HCFC2: variants seen among roughly 807,000 people sequenced by gnomAD.
HCFC2 encodes host cell factor C2.
Under a neutral mutation model 89.2 loss-of-function variants are expected in HCFC2, and 18 were observed. That is an observed-to-expected ratio of 0.20 (90% CI 0.14 to 0.30). The LOEUF is 0.30. HCFC2 is among the 10% of genes least tolerant of loss of function. HCFC2 has a pLI of 1.00. For synonymous variants in HCFC2, 308 were observed against 335.7 expected, an observed-to-expected ratio of 0.92 and a Z score of 0.90; for missense variants, 578 against 956.1, an observed-to-expected ratio of 0.60 and a Z score of 5.21.
At chr12:104,097,356 A>AT (rs1884206876) in intron 12 of HCFC2, among the ~76,000 whole-genome samples, 1 of 151,780 alleles carries the variant, frequency 6.6e-6, no homozygotes, top group Non-Finnish European at 1.5e-5. Context: ...ACTAAAATGA[A>AT]TTTTTTTTCT....
At chr12:104,071,324 T>C (rs1265537225) in intron 3 of HCFC2, among the ~76,000 whole-genome samples, 1 of 152,248 alleles carries the variant, frequency 6.6e-6, no homozygotes, top group Non-Finnish European at 1.5e-5. Context: ...GTATTAGCTT[T>C]TGTTAGGTTA....
chr12:104,072,388 A>G (rs1476170830), intron 3 of HCFC2, among the ~76,000 whole-genome samples: 1 of 151,982 alleles, frequency 6.6e-6, no homozygotes, highest in Non-Finnish European at 1.5e-5. Flanking sequence ...AAAAAAAAGT[A>G]AAATTTGTAC....
At chr12:104,092,206 A>G (rs1884041392) in intron 9 of HCFC2, among the ~76,000 whole-genome samples, 1 of 152,168 alleles carries the variant, frequency 6.6e-6, no homozygotes, top group Admixed American at 6.5e-5. Context: ...TGTGGCTCAC[A>G]GCTATAATCC....
At chr12:104,087,083 G>A (rs1007792397) in intron 8 of HCFC2, 69 bp downstream of exon 8, 9 of 1,467,502 alleles carry the variant, frequency 6.1e-6, no homozygotes, top group African/African-American at 2.8e-5. Flanking sequence ...GGCCGGGCGC[G>A]GTGGCTCACG....
At chr12:104,066,678 G>A (rs760003111) in intron 2 of HCFC2, among the ~76,000 whole-genome samples, 13 of 152,174 alleles carry the variant, frequency 8.5e-5, no homozygotes, top group Admixed American at 2.6e-4. Context: ...CAACAGGAGC[G>A]CCTGGAGAAC....
chr12:104,098,546 A>G (rs1277025237), intron 13 of HCFC2, 66 bp downstream of exon 13: 3 of 1,452,214 alleles, frequency 2.1e-6, no homozygotes, highest in Non-Finnish European at 2.8e-6. Flanking sequence ...TTCTCTACCA[A>G]TAACTTAGGG....
At position 104,066,172 on chromosome 12, in the gene HCFC2, A is replaced by C. The variant is rs1280061336; in HGVS notation, c.169A>C (p.Asn57His). Residue 57 changes from asparagine to histidine, a missense_variant, in exon 2 of 15, where the codon AAT (asparagine) becomes CAT (histidine). Physicochemically the swap from Asn to His is moderately conservative, Grantham distance 68 (BLOSUM62 1). Transcript: ENST00000229330. Reference protein sequence around the residue: ...DELHVYNTATNQWFLPAVRGD... With the variant: ...DELHVYNTATHQWFLPAVRGD... Reference sequence around the variant, plus strand: ...CATTTTATTTTGGCAACTAGCTACGAATCAGTGGTTTCTGCCAGCTGTTAG... The same window carrying C: ...CATTTTATTTTGGCAACTAGCTACGCATCAGTGGTTTCTGCCAGCTGTTAG... 1 of 1,612,820 alleles carries C rather than the reference A, an allele frequency of 6.2e-7. No individual in the cohort carries two copies. The highest frequency in any genetic ancestry group is 1.1e-5 in the South Asian group (1 of 90,658).
At position 104,086,906 on chromosome 12, in the gene HCFC2, G is replaced by A; in HGVS notation, c.1123G>A (p.Val375Ile). ...CAAAGCCACTACCAACTCCTTTCAT[G>A]TCAAGTGGGATGAAGTGTCTACAGT... is the stretch of plus-strand genomic sequence containing the variant. ...LIKATTNSFH[V>I]KWDEVSTVEG... The change falls in exon 8 of 15, where the codon GTC becomes ATC. Residue 375 changes from valine (V) to isoleucine (I), a missense_variant. By Grantham distance (29) the Val-to-Ile change is conservative. This residue lies in a region of HCFC2 where 210 missense variants were observed against 251.7 expected (regional missense o/e 0.83). Coordinates refer to ENST00000229330, the MANE Select transcript of HCFC2 (RefSeq NM_013320.3). 6.2e-7 allele frequency: 1 copy of A among 1,613,922 alleles called. No individual in the cohort carries two copies. The highest frequency in any genetic ancestry group is 8.5e-7 in the Non-Finnish European group (1 of 1,179,850).
intron 4 of HCFC2, 41 bp downstream of exon 4, chr12:104,079,694 A>C (rs775878815): frequency 6.9e-7 from 1 of 1,451,598 alleles, no homozygotes; most frequent in African/African-American, 1.4e-5. Flanking sequence ...AGGGCAAATT[A>C]AAAAATGCTT....
Position 104,103,542 on chromosome 12 carries a change from A to G in HCFC2, c.*269A>G, listed in dbSNP as rs1400029367. 1 of 384,914 alleles carries G rather than the reference A, an allele frequency of 2.6e-6. No homozygotes were observed. Among genetic ancestry groups the G allele is most frequent in the African/African-American group, 2.1e-5 (1 of 48,736 alleles). The allele number at this position is 384,914 out of a possible 1,614,324, so 23.8% of individuals were successfully genotyped here. ...AGTGAAATTAAGATAAAAGCTAGAA[A>G]GCTTTATTACCCCAATATCTTTTAT... is the stretch of plus-strand genomic sequence containing the variant. On this transcript the variant is annotated 3_prime_UTR_variant, in exon 15 of 15. Coordinates refer to ENST00000229330, the MANE Select transcript of HCFC2 (RefSeq NM_013320.3).
chr12:104,098,195 T>TGTTAAGACTTTATTTACTTATGA, intron 12 of HCFC2, 148 bp from the exon 13 acceptor site: 2 of 557,274 alleles, frequency 3.6e-6, no homozygotes, highest in Non-Finnish European at 6.1e-6. Flanking sequence ...TGACCTAATC[T>TGTTAAGACTTTATTTACTTATGA]GTTAAGACTT....
chr12:104,101,753 C>T (rs1027096269), intron 13 of HCFC2, among the ~76,000 whole-genome samples: 1 of 152,048 alleles, frequency 6.6e-6, no homozygotes, highest in Non-Finnish European at 1.5e-5. Flanking sequence ...AAAGAGTGCT[C>T]ACCTCTGGAT....
chr12:104,090,350 T>C (rs1230558573), intron 9 of HCFC2, among the ~76,000 whole-genome samples: 1 of 152,164 alleles, frequency 6.6e-6, no homozygotes, highest in Admixed American at 6.5e-5. Context: ...CCTAATTTTT[T>C]ATCTTTTTAT....
chr12:104,080,756 A>G lies in HCFC2; in HGVS notation c.693A>G (p.Ser231=), dbSNP rs1171334907. ...TATTTTTACTTTTAGAAACTATGTC[A>G]TGGTCAAAACCAGAAACTAAAGGGA... The part of the protein sequence containing the change: ...DLWQLDLETM[S]WSKPETKGTV... Residue 231 remains serine, a synonymous_variant, in exon 5 of 15, where the codon TCA becomes TCG. Coordinates refer to ENST00000229330, the MANE Select transcript of HCFC2 (RefSeq NM_013320.3). The G allele has an allele frequency of 7.5e-6, 12 of 1,599,538 alleles. No homozygotes were observed. Among genetic ancestry groups the G allele is most frequent in the Non-Finnish European group, 1.0e-5 (12 of 1,172,932 alleles).
At chr12:104,082,456 A>G (rs1336086792) in intron 5 of HCFC2, 44 bp from the exon 6 acceptor site, 1 of 1,259,734 alleles carries the variant, frequency 7.9e-7, no homozygotes. Context: ...CCAAGAAGTA[A>G]AATGAAATAA....
In HCFC2 at chr12:104,087,375, A is replaced by G. The variant is rs184839516; in HGVS notation, c.1231+361A>G. Among the ~76,000 whole-genome samples, 554 of 148,574 alleles carry G rather than the reference A, an allele frequency of 3.7e-3. 4 individuals carry two copies. Among genetic ancestry groups the G allele is most frequent in the African/African-American group, 0.013 (527 of 40,436 alleles). ...CTTAAAAAAAAAAAAAAAAATTCAC[A>G]CACACACGCACACAAGCACACATAT... On this transcript the variant is annotated intron_variant, in intron 8 of 14. Coordinates refer to ENST00000229330, the MANE Select transcript of HCFC2 (RefSeq NM_013320.3).
chr12:104,103,495 T>C lies in HCFC2; in HGVS notation c.*222T>C. On this transcript the variant is annotated 3_prime_UTR_variant, in exon 15 of 15. Transcript: ENST00000229330. ...GTATATGAGTTCTTCCTTACAGATA[T>C]AGCTCTTTTATAAAGAAAAACAGTG... 1 of 479,024 alleles carries C rather than the reference T, an allele frequency of 2.1e-6. No homozygotes were observed. Among genetic ancestry groups the C allele is most frequent in the Non-Finnish European group, 3.7e-6 (1 of 271,554 alleles). The allele number at this position is 479,024 out of a possible 1,614,324, so 29.7% of individuals were successfully genotyped here.
rs755578474 is a variant in HCFC2, at chr12:104,095,573, G to C, written c.1666+10G>C. On this transcript the variant is annotated intron_variant, in intron 11 of 14. Transcript: ENST00000229330. The surrounding 1 kb of genome is among the most constrained non-coding windows in gnomAD (Gnocchi z 4.2). ...AGTACCAAATCTGAAGGTTTGAAAT[G>C]TGTTTCACATACTGTATTTTGAACC... 2 of 1,599,942 alleles carry C rather than the reference G, an allele frequency of 1.3e-6. No homozygotes were observed. The highest frequency in any genetic ancestry group is 4.5e-5 in the East Asian group (2 of 44,738).
intron 14 of HCFC2, 84 bp downstream of exon 14, chr12:104,102,237 T>C: frequency 8.4e-7 from 1 of 1,196,106 alleles, no homozygotes; most frequent in Middle Eastern, 2.0e-4. Flanking sequence ...TTAGAAATTC[T>C]TGTTACCATC....
Sources: allele counts gnomAD v4.1 joint callset (sites outside exome capture counted in the v4.1 genomes callset), GRCh38; gene constraint gnomAD v4.1.1; regional missense constraint gnomAD v4.1.1; non-coding constraint Gnocchi (gnomAD v3.1); transcripts MANE v1.5; gene names NCBI Gene and HGNC (gene_info 2026-07-23, HGNC 2026-07-21).